The following TFB1M variants were observed in gnomAD, a reference collection of about 807,000 sequenced individuals.
TFB1M encodes transcription factor B1, mitochondrial, also known as dimethyladenosine transferase 1, mitochondrial.
In TFB1M, 27 loss-of-function variants were observed where a neutral mutation model predicts 31.1. That is an observed-to-expected ratio of 0.87 (90% confidence interval 0.64 to 1.20). The LOEUF (loss-of-function observed/expected upper bound fraction) is 1.20. Among genes scored for constraint, TFB1M ranks in the 50% most tolerant of loss-of-function variants. The probability of loss-of-function intolerance (pLI) is 0.00; values close to 1 mark genes in which losing one functional copy is unlikely to be tolerated. For missense variants in TFB1M, 394 were observed against 418.7 expected (o/e 0.94, Z 0.51); for synonymous variants, 166 against 151.8 (o/e 1.09, Z -0.69).
the TFB1M span, chr6:155,250,529 T>G: frequency 6.5e-7 from 1 of 1,535,698 alleles, no homozygotes; most frequent in Non-Finnish European, 8.7e-7. Flanking sequence ...GCTGGTGCTC[T>G]TTTATCAGCA....
At chr6:155,270,170 A>T (rs2114696259) in intron 5 of TFB1M, among the ~76,000 whole-genome samples, 1 of 152,372 alleles carries the variant, frequency 6.6e-6, no homozygotes, top group East Asian at 1.9e-4. Flanking sequence ...GCCACTAATG[A>T]ACCTGGGAAG....
downstream of TFB1M, chr6:155,252,854 C>A: frequency 8.5e-7 from 1 of 1,176,680 alleles, no homozygotes; most frequent in Non-Finnish European, 1.2e-6. Context: ...GAGACTCGCC[C>A]ACAGGGAGAA....
the TFB1M span, chr6:155,249,701 G>T: frequency 1.8e-6 from 1 of 552,454 alleles, no homozygotes. Context: ...GCTACAGTGG[G>T]CTGTTGTGAC....
chr6:155,314,120 A>G (rs1778141524), intron 1 of TFB1M, 176 bp downstream of exon 1: 10 of 1,492,630 alleles, frequency 6.7e-6, no homozygotes, highest in Non-Finnish European at 8.9e-6. Context: ...AACGCACTTC[A>G]CGTGTCTCCT....
chr6:155,286,587 ATATG>A (rs1257248579), intron 4 of TFB1M, among the ~76,000 whole-genome samples: 8 of 145,750 alleles, frequency 5.5e-5, no homozygotes, highest in Admixed American at 5.5e-4. Flanking sequence ...GTGTATATGT[ATATG>A]TGTGTATATA....
chr6:155,281,721 C>CAAAAA (rs1217317032), intron 5 of TFB1M, among the ~76,000 whole-genome samples: 33 of 63,162 alleles, frequency 5.2e-4, no homozygotes, highest in East Asian at 9.6e-4. Flanking sequence ...GACTCTGTCT[C>CAAAAA]AAAAAAAAAA....
intron 5 of TFB1M, among the ~76,000 whole-genome samples, chr6:155,267,646 T>C (rs1784720297): frequency 1.3e-5 from 2 of 152,152 alleles, no homozygotes; most frequent in Non-Finnish European, 2.9e-5. Context: ...CAGCAGGCCA[T>C]TTCAGCAGCT....
downstream of TFB1M, chr6:155,254,851 T>C: frequency 2.9e-6 from 1 of 344,956 alleles, no homozygotes; most frequent in Non-Finnish European, 5.5e-6. Flanking sequence ...CCAGGGACTT[T>C]GTTTTCCTCA....
Sources: gnomAD v4.1 joint callset for allele counts (sites outside exome capture counted in the v4.1 genomes callset) on GRCh38, gnomAD v4.1.1 for gene constraint, MANE v1.5 for transcripts, NCBI Gene and HGNC (gene_info 2026-07-23, HGNC 2026-07-21) for gene names.